CYFIP2: variants seen among roughly 807,000 people sequenced by gnomAD.
CYFIP2 encodes cytoplasmic FMR1 interacting protein 2.
CYFIP2 carries 29 observed loss-of-function variants against 158.7 expected under a neutral mutation model. The ratio of observed to expected loss-of-function variants is 0.18; its 90% CI spans 0.14 to 0.25. The LOEUF (loss-of-function observed/expected upper bound fraction) is 0.25. CYFIP2 is among the 10% of genes least tolerant of loss of function. The pLI, the probability that CYFIP2 is intolerant of heterozygous loss-of-function variation, is 1.00. For synonymous variants in CYFIP2, 585 were observed against 617.6 expected, an observed-to-expected ratio of 0.95 and a Z score of 0.78; for missense variants, 852 against 1,639.5, an observed-to-expected ratio of 0.52 and a Z score of 8.29.
At chr5:157,378,592 G>A (rs1285406202) in intron 26 of CYFIP2, among the ~76,000 whole-genome samples, 2 of 152,310 alleles carry the variant, frequency 1.3e-5, no homozygotes, top group East Asian at 1.9e-4. Context: ...TCGAAGTGGA[G>A]TGGCTCCTGG....
Position 157,311,856 on chromosome 5 carries a change from C to G in CYFIP2, c.1110+75C>G. ...GGGGTAAGGAGCAGCCAGGAAAGAACATGGACCCACGGAACACTGGAGAGT... is the reference window on the plus strand; with the variant it reads ...GGGGTAAGGAGCAGCCAGGAAAGAAGATGGACCCACGGAACACTGGAGAGT... On this transcript the variant is annotated intron_variant, in intron 11 of 30. Coordinates refer to ENST00000620254, the MANE Select transcript of CYFIP2 (RefSeq NM_001037333.3). The surrounding 1 kb of genome is among the most constrained non-coding windows in gnomAD (Gnocchi z 4.7). The G allele has an allele frequency of 7.4e-7, 1 of 1,347,126 alleles. No individual in the cohort carries two copies. Among genetic ancestry groups the G allele is most frequent in the Non-Finnish European group, 1.0e-6 (1 of 965,982 alleles). 83.4% of individuals were successfully genotyped at this position (1,347,126 alleles called of 1,614,324 possible). A position where few individuals can be genotyped will look rare whatever the true frequency, so the allele number is the denominator to read the frequency against.
At chr5:157,322,854 C>T (rs1383931836) in intron 15 of CYFIP2, 4 of 568,174 alleles carry the variant, frequency 7.0e-6, no homozygotes, top group East Asian at 5.8e-5. Context: ...TCTTGCTTTT[C>T]TCTCTCTCTC....
chr5:157,348,127 C>T (rs2113292800), intron 23 of CYFIP2, among the ~76,000 whole-genome samples: 1 of 152,376 alleles, frequency 6.6e-6, no homozygotes, highest in African/African-American at 2.4e-5. Flanking sequence ...AGCTAGTTGA[C>T]ATCAGTAGTA....
chr5:157,376,896 C>A (rs1269829769), intron 26 of CYFIP2: 2 of 456,406 alleles, frequency 4.4e-6, no homozygotes, highest in East Asian at 1.4e-4. Context: ...TCCGTGTCCA[C>A]ACACATCAGA....
chr5:157,309,583 G>A (rs2113022853), intron 9 of CYFIP2, among the ~76,000 whole-genome samples, 160 bp from the exon 10 acceptor site: 1 of 152,220 alleles, frequency 6.6e-6, no homozygotes, highest in Non-Finnish European at 1.5e-5. Flanking sequence ...CTAGGGCTCC[G>A]TTTGGCTTCA....
chr5:157,302,578 T>G (rs1758857181), intron 6 of CYFIP2, among the ~76,000 whole-genome samples: 1 of 152,180 alleles, frequency 6.6e-6, no homozygotes, highest in Non-Finnish European at 1.5e-5. Context: ...GCCTTTTAAT[T>G]TAAGGGGCCC....
At chr5:157,305,148 TGTTG>T (rs2113902863) in intron 8 of CYFIP2, among the ~76,000 whole-genome samples, 1 of 152,334 alleles carries the variant, frequency 6.6e-6, no homozygotes, top group East Asian at 1.9e-4. Flanking sequence ...TTTATCTGCT[TGTTG>T]GTTGACGGGC....
At chr5:157,388,846 C>T (rs1766965764) in intron 28 of CYFIP2, among the ~76,000 whole-genome samples, 1 of 152,180 alleles carries the variant, frequency 6.6e-6, no homozygotes, top group Non-Finnish European at 1.5e-5. Flanking sequence ...ACTCAGAAAG[C>T]ATAAGCTAGT....
chr5:157,378,778 C>T (rs543051597), intron 26 of CYFIP2, among the ~76,000 whole-genome samples: 6 of 152,168 alleles, frequency 3.9e-5, no homozygotes, highest in Non-Finnish European at 5.9e-5. Flanking sequence ...ATAGCTCATT[C>T]GTTAGTGCTC....
chr5:157,371,409 G>A (rs921522560), intron 26 of CYFIP2, among the ~76,000 whole-genome samples: 1 of 152,080 alleles, frequency 6.6e-6, no homozygotes, highest in Non-Finnish European at 1.5e-5. Flanking sequence ...CAGAGTTAAA[G>A]GTTAAGAAAA....
intron 5 of CYFIP2, among the ~76,000 whole-genome samples, chr5:157,299,915 A>C (rs1431892598): frequency 6.6e-6 from 1 of 152,184 alleles, no homozygotes; most frequent in East Asian, 1.9e-4. Context: ...AAAACAAAAC[A>C]AAACAAAAAA....
In CYFIP2 at chr5:157,393,814, G is replaced by T. The variant is rs182865053; in HGVS notation, c.*814G>T. On this transcript the variant is annotated 3_prime_UTR_variant, in exon 31 of 31. Coordinates refer to ENST00000620254, the MANE Select transcript of CYFIP2 (RefSeq NM_001037333.3). ...AGCATTGGGCCACATAGGGGAAGCA[G>T]CTTTGAACAAATCAGTCATAGCACT... is the stretch of plus-strand genomic sequence containing the variant. 5.3e-5 allele frequency: 8 copies of T among 152,346 alleles called. No individual in the cohort carries two copies. The highest frequency in any genetic ancestry group is 4.6e-4 in the Admixed American group (7 of 15,306). 9.4% of individuals were successfully genotyped at this position (152,346 alleles called of 1,614,324 possible). A position where few individuals can be genotyped will look rare whatever the true frequency, so the allele number is the denominator to read the frequency against.
At chr5:157,374,052 C>T (rs1043066277) in intron 26 of CYFIP2, among the ~76,000 whole-genome samples, 2 of 152,172 alleles carry the variant, frequency 1.3e-5, no homozygotes, top group Admixed American at 6.5e-5. Flanking sequence ...ACCACATGTA[C>T]AGTAACTAGA....
At chr5:157,373,455 GT>G (rs941168310) in intron 26 of CYFIP2, among the ~76,000 whole-genome samples, 2 of 152,190 alleles carry the variant, frequency 1.3e-5, no homozygotes, top group African/African-American at 4.8e-5. Flanking sequence ...CGCTCCATGG[GT>G]TTGGAATGTT....
chr5:157,307,611 C>T (rs437166), intron 8 of CYFIP2, 150 bp from the exon 9 acceptor site: 332,771 of 420,258 alleles, frequency 0.79, 133,085 homozygotes, highest in East Asian at 0.98. Context: ...CATAGATTTT[C>T]ATAATATAAT....
At chr5:157,330,951 G>A (rs143701689) in intron 20 of CYFIP2, 101 bp downstream of exon 20, 28 of 876,850 alleles carry the variant, frequency 3.2e-5, no homozygotes, top group South Asian at 1.1e-4. Context: ...TTGTCTGCCC[G>A]GCATGTTGCC....
chr5:157,271,906 C>A (rs572620706), intron 1 of CYFIP2, among the ~76,000 whole-genome samples: 2 of 152,308 alleles, frequency 1.3e-5, no homozygotes, highest in East Asian at 3.9e-4. Context: ...CAGCTCCTCT[C>A]CCCACATACG....
At position 157,391,244 on chromosome 5, in the gene CYFIP2, G is replaced by A. The variant is rs1357781281; in HGVS notation, c.3594+576G>A. Among the ~76,000 whole-genome samples the A allele has an allele frequency of 2.0e-5, 3 of 152,098 alleles. No individual in the cohort carries two copies. The East Asian group carries it at 5.8e-4, about 29-fold the overall frequency. On this transcript the variant is annotated intron_variant, in intron 30 of 30. Coordinates refer to ENST00000620254, the MANE Select transcript of CYFIP2 (RefSeq NM_001037333.3). Reference sequence around the variant, plus strand: ...AGGCGGATCGAAGGGTGGGTCTCAGGGACCCAGTGAGAGGAGAGAGAGGTA... The same window carrying A: ...AGGCGGATCGAAGGGTGGGTCTCAGAGACCCAGTGAGAGGAGAGAGAGGTA...
chr5:157,268,182 C>T (rs1755773610), intron 1 of CYFIP2, among the ~76,000 whole-genome samples: 1 of 152,260 alleles, frequency 6.6e-6, no homozygotes, highest in Non-Finnish European at 1.5e-5. Context: ...GGCATTAGCT[C>T]TCTGCTCACT....
Sources: gnomAD v4.1 joint callset for allele counts (sites outside exome capture counted in the v4.1 genomes callset) on GRCh38, gnomAD v4.1.1 for gene constraint, Gnocchi (gnomAD v3.1) non-coding constraint, MANE v1.5 for transcripts, NCBI Gene and HGNC (gene_info 2026-07-23, HGNC 2026-07-21) for gene names.